The following ALK variants were observed in gnomAD, a reference collection of about 807,000 sequenced individuals.
The protein encoded by ALK is ALK tyrosine kinase receptor.
A neutral mutation model predicts 163.1 loss-of-function variants in ALK; 74 were observed. That is an observed-to-expected ratio of 0.45 (90% CI 0.38 to 0.55). ALK has a LOEUF of 0.55. Ranked by LOEUF, ALK falls within the 20% of genes least tolerant of loss-of-function variation. The pLI, the probability that ALK is intolerant of heterozygous loss-of-function variation, is 0.00. For synonymous variants in ALK, 960 were observed against 843.2 expected (o/e 1.14, Z -2.40); for missense variants, 2,063 against 2,105.3 (o/e 0.98, Z 0.39).
intron 4 of ALK, among the ~76,000 whole-genome samples, chr2:29,387,912 T>C (rs564722207): frequency 6.6e-6 from 1 of 152,336 alleles, no homozygotes; most frequent in Admixed American, 6.5e-5. Context: ...ATGCAACCTA[T>C]GGATCAGTCT....
intron 6 of ALK, among the ~76,000 whole-genome samples, chr2:29,325,711 C>T (rs1342195335): frequency 3.3e-5 from 5 of 152,222 alleles, no homozygotes; most frequent in African/African-American, 7.2e-5. Context: ...TCAGTTTGAT[C>T]GTGGACAACC....
intron 1 of ALK, among the ~76,000 whole-genome samples, chr2:29,912,522 T>C (rs540652463): frequency 2.6e-5 from 4 of 151,836 alleles, no homozygotes; most frequent in African/African-American, 9.7e-5. Context: ...CTTATTCTAA[T>C]GGAAATGCAA....
At chr2:29,309,697 ACT>A (rs1666644761) in intron 8 of ALK, among the ~76,000 whole-genome samples, 2 of 120,690 alleles carry the variant, frequency 1.7e-5, no homozygotes, top group South Asian at 5.3e-4. Flanking sequence ...CTTCTTGTTC[ACT>A]CTCATCCTGG....
chr2:29,360,032 T>A (rs1370548323), intron 5 of ALK, among the ~76,000 whole-genome samples: 1 of 152,234 alleles, frequency 6.6e-6, no homozygotes, highest in Non-Finnish European at 1.5e-5. Flanking sequence ...AGTTTCCCTC[T>A]CATAATGGCT....
intron 5 of ALK, among the ~76,000 whole-genome samples, chr2:29,340,795 C>T (rs1467459944): frequency 2.6e-5 from 4 of 152,202 alleles, no homozygotes; most frequent in African/African-American, 4.8e-5. Context: ...TTTACTGAAA[C>T]GTTACCTTCT....
rs758231725 is a variant in ALK at position 29,199,978 on chromosome 2, G to A, written c.3939-2302C>T. ...TCAAAGACTCTTGTGAGAAGGATTG[G>A]GCAAAGATATTTTCCCTATTTTTCA... On this transcript the variant is annotated intron_variant, in intron 26 of 28. Transcript: ENST00000389048. Among the ~76,000 whole-genome samples, 3 of 152,116 alleles carry A rather than the reference G, an allele frequency of 2.0e-5. No homozygotes were observed. In the South Asian group the frequency reaches 6.2e-4, roughly 32 times the overall value.
intron 3 of ALK, among the ~76,000 whole-genome samples, chr2:29,625,023 A>C (rs528353333): frequency 6.6e-6 from 1 of 152,304 alleles, no homozygotes; most frequent in African/African-American, 2.4e-5. Context: ...ATTTGCCCAC[A>C]TGAGTGGTAT....
chr2:29,739,456 G>T, intron 1 of ALK, among the ~76,000 whole-genome samples: 1 of 151,458 alleles, frequency 6.6e-6, no homozygotes, highest in Admixed American at 6.6e-5. Flanking sequence ...TACTCAGGAG[G>T]CTGAGGCAGG....
chr2:29,263,201 C>T (rs1026741123), intron 11 of ALK, among the ~76,000 whole-genome samples: 3 of 152,142 alleles, frequency 2.0e-5, no homozygotes, highest in Admixed American at 1.3e-4. Context: ...TTCTTGTCTG[C>T]GGATAGGAGA....
At chr2:29,915,390 T>C (rs865916596) in intron 1 of ALK, among the ~76,000 whole-genome samples, 9 of 152,180 alleles carry the variant, frequency 5.9e-5, no homozygotes, top group African/African-American at 2.2e-4. Flanking sequence ...TGGCTAATTT[T>C]TTTATTTTTA....
intron 18 of ALK, among the ~76,000 whole-genome samples, chr2:29,226,478 C>CAAA (rs3028223): frequency 3.7e-4 from 31 of 84,888 alleles, no homozygotes; most frequent in East Asian, 1.3e-3. Context: ...AACTCCGCCT[C>CAAA]AAAAAAAAAA....
chr2:29,508,077 A>T (rs1294012644), intron 4 of ALK, among the ~76,000 whole-genome samples: 1 of 152,148 alleles, frequency 6.6e-6, no homozygotes, highest in Non-Finnish European at 1.5e-5. Context: ...GGTCTGATCT[A>T]GAACTTGGGG....
intron 4 of ALK, among the ~76,000 whole-genome samples, chr2:29,482,755 A>G (rs1671692770): frequency 1.3e-5 from 2 of 152,106 alleles, no homozygotes; most frequent in Non-Finnish European, 2.9e-5. Context: ...CAACAACAAC[A>G]ACAACAACAA....
intron 3 of ALK, among the ~76,000 whole-genome samples, chr2:29,580,122 T>A (rs984020383): frequency 6.6e-6 from 1 of 152,138 alleles, no homozygotes; most frequent in African/African-American, 2.4e-5. Flanking sequence ...CTGTGTCGGT[T>A]TTATGCATAT....
chr2:29,289,416 C>T (rs1329016179), intron 9 of ALK, among the ~76,000 whole-genome samples: 1 of 152,188 alleles, frequency 6.6e-6, no homozygotes, highest in African/African-American at 2.4e-5. Context: ...CCCTGCATGG[C>T]TTATAATTGC....
chr2:29,830,773 A>ATG (rs1348710997), intron 1 of ALK, among the ~76,000 whole-genome samples: 1 of 138,960 alleles, frequency 7.2e-6, no homozygotes, highest in Non-Finnish European at 1.5e-5. Context: ...GCATGGTGGC[A>ATG]TGTGCCTATA....
intron 1 of ALK, among the ~76,000 whole-genome samples, chr2:29,811,636 G>A (rs77486247): frequency 0.042 from 6,379 of 152,246 alleles, 242 homozygotes; most frequent in Admixed American, 0.098. Context: ...CCAAAGGCAT[G>A]ACTCTAAAGC....
intron 1 of ALK, among the ~76,000 whole-genome samples, chr2:29,780,419 G>A (rs549022892): frequency 1.0e-3 from 158 of 152,346 alleles, no homozygotes; most frequent in African/African-American, 3.4e-3. Flanking sequence ...ACTGCATGGC[G>A]TGGGCCTCCC....
chr2:29,635,743 C>A (rs1350058190), intron 3 of ALK, among the ~76,000 whole-genome samples: 1 of 151,496 alleles, frequency 6.6e-6, no homozygotes, highest in Non-Finnish European at 1.5e-5. Flanking sequence ...GCTGGGATTA[C>A]AAATATGCAC....
Sources: gnomAD v4.1 joint callset for allele counts (sites outside exome capture counted in the v4.1 genomes callset) on GRCh38, gnomAD v4.1.1 for gene constraint, MANE v1.5 for transcripts, NCBI Gene and HGNC (gene_info 2026-07-23, HGNC 2026-07-21) for gene names.